The following SYNPR variants were observed in gnomAD, a reference collection of about 807,000 sequenced individuals.
SYNPR encodes synaptoporin.
Under a neutral mutation model 32.9 loss-of-function variants are expected in SYNPR, and 23 were observed. The observed-to-expected ratio is 0.70, with a 90% CI of 0.50 to 0.99. SYNPR has a LOEUF of 0.99. Ranked by LOEUF, SYNPR falls within the 50% of genes least tolerant of loss-of-function variation. The pLI, the probability that SYNPR is intolerant of heterozygous loss-of-function variation, is 0.00. For missense variants in SYNPR, 318 were observed against 349.3 expected (o/e 0.91, Z 0.71); for synonymous variants, 146 against 135.9 (o/e 1.07, Z -0.52).
intron 3 of SYNPR, among the ~76,000 whole-genome samples, chr3:63,550,996 C>A (rs1026415490): frequency 6.6e-6 from 1 of 152,160 alleles, no homozygotes; most frequent in Admixed American, 6.5e-5. Context: ...GAGCTTGGTA[C>A]GTGTTCTTTC....
intron 3 of SYNPR, among the ~76,000 whole-genome samples, chr3:63,494,513 A>ATT (rs1491231983): frequency 2.2e-5 from 1 of 46,190 alleles, no homozygotes; most frequent in African/African-American, 1.1e-4. Flanking sequence ...ATACATATAT[A>ATT]CATATATACA....
At chr3:63,515,840 A>G (rs1196169263) in intron 3 of SYNPR, among the ~76,000 whole-genome samples, 1 of 152,226 alleles carries the variant, frequency 6.6e-6, no homozygotes, top group East Asian at 1.9e-4. Context: ...TTTCACACGA[A>G]AAAGGTAGCT....
chr3:63,226,160 A>T (rs2106869470), upstream of SYNPR, among the ~76,000 whole-genome samples: 1 of 152,320 alleles, frequency 6.6e-6, no homozygotes, highest in Admixed American at 6.5e-5. Flanking sequence ...AGTCAATCTA[A>T]CCCCAGTTAG....
chr3:63,340,114 C>T (rs1300427215), intron 2 of SYNPR, among the ~76,000 whole-genome samples: 1 of 152,166 alleles, frequency 6.6e-6, no homozygotes, highest in Non-Finnish European at 1.5e-5. Flanking sequence ...GGTTTTCACT[C>T]AGCATAATTT....
At chr3:63,503,201 G>A (rs151014586) in intron 3 of SYNPR, among the ~76,000 whole-genome samples, 1 of 151,928 alleles carries the variant, frequency 6.6e-6, no homozygotes, top group Non-Finnish European at 1.5e-5. Flanking sequence ...CTGATGACAC[G>A]TGATGTGGAA....
exon 3 of SYNPR, chr3:63,267,381 C>T (rs2106906073): frequency 6.6e-6 from 1 of 152,376 alleles, no homozygotes; most frequent in South Asian, 2.1e-4. Flanking sequence ...CCTGAGGGGA[C>T]TTCCAGCTGC....
At chr3:63,232,937 A>G (rs560691809) in intron 1 of SYNPR, among the ~76,000 whole-genome samples, 1 of 152,346 alleles carries the variant, frequency 6.6e-6, no homozygotes, top group African/African-American at 2.4e-5. Flanking sequence ...TGTGATTCTT[A>G]TAAAAGAATT....
At chr3:63,597,365 G>A (rs1699977146) in intron 4 of SYNPR, among the ~76,000 whole-genome samples, 1 of 152,122 alleles carries the variant, frequency 6.6e-6, no homozygotes, top group Admixed American at 6.6e-5. Flanking sequence ...AAAATAAACA[G>A]TGCTGTATTC....
At position 63,442,716 on chromosome 3, in the gene SYNPR, G is replaced by A. The variant is rs1355646524; in HGVS notation, c.85-38116G>A. 1.3e-5 allele frequency among the ~76,000 whole-genome samples: 2 copies of A among 152,252 alleles called. 1 individual carries two copies. The highest frequency in any genetic ancestry group is 4.1e-4 in the South Asian group (2 of 4,820). ...ACTCCTGTGACGAGTGAGCAACCAA[G>A]TTGTAATCTGTCCCTTCTACAGTTG... On this transcript the variant is annotated intron_variant, in intron 2 of 5. Coordinates refer to ENST00000478300, the MANE Select transcript of SYNPR (RefSeq NM_001130003.2).
At chr3:63,443,571 G>C in intron 2 of SYNPR, 1 of 1,335,212 alleles carries the variant, frequency 7.5e-7, no homozygotes, top group Non-Finnish European at 1.0e-6. Context: ...TTCTTTCCAA[G>C]TATCAGTTTT....
chr3:63,224,675 T>C (rs2086115677), upstream of SYNPR, among the ~76,000 whole-genome samples: 1 of 152,082 alleles, frequency 6.6e-6, no homozygotes, highest in South Asian at 2.1e-4. Flanking sequence ...TGCGGTTCCT[T>C]GAAAATTATG....
chr3:63,266,140 T>A (rs764166711), intron 2 of SYNPR, among the ~76,000 whole-genome samples: 38 of 152,188 alleles, frequency 2.5e-4, no homozygotes, highest in Middle Eastern at 3.2e-3. Flanking sequence ...TACTCATTGC[T>A]GATGTGAAAG....
intron 2 of SYNPR, among the ~76,000 whole-genome samples, chr3:63,312,474 C>T (rs1024854411): frequency 3.9e-5 from 6 of 151,904 alleles, no homozygotes; most frequent in Admixed American, 3.9e-4. Flanking sequence ...ATTTCAAACA[C>T]TGCCACATCT....
intron 4 of SYNPR, among the ~76,000 whole-genome samples, chr3:63,568,189 A>T (rs563649323): frequency 6.6e-6 from 1 of 152,332 alleles, no homozygotes; most frequent in South Asian, 2.1e-4. Context: ...TAGAAGTTAT[A>T]TTGGTTAATT....
At chr3:63,331,744 T>A (rs1442612376) in intron 2 of SYNPR, among the ~76,000 whole-genome samples, 2 of 152,172 alleles carry the variant, frequency 1.3e-5, no homozygotes, top group Non-Finnish European at 2.9e-5. Context: ...ACTTTCTTTA[T>A]GAGGAAATTG....
At chr3:63,529,173 G>C (rs1461740245) in intron 3 of SYNPR, among the ~76,000 whole-genome samples, 2 of 152,124 alleles carry the variant, frequency 1.3e-5, no homozygotes, top group Admixed American at 6.5e-5. Flanking sequence ...GGGACCCCTG[G>C]GGAAACCAAA....
At chr3:63,347,821 G>A (rs1247542761) in intron 2 of SYNPR, among the ~76,000 whole-genome samples, 1 of 151,658 alleles carries the variant, frequency 6.6e-6, no homozygotes, top group Admixed American at 6.6e-5. Context: ...TTTTATGGCT[G>A]AATAGTATTC....
intron 3 of SYNPR, among the ~76,000 whole-genome samples, chr3:63,271,531 G>A (rs2086535552): frequency 6.6e-6 from 1 of 152,102 alleles, no homozygotes; most frequent in South Asian, 2.1e-4. Context: ...AATGCATGCA[G>A]TATACTTTGG....
intron 2 of SYNPR, among the ~76,000 whole-genome samples, chr3:63,380,606 C>T (rs990851391): frequency 6.6e-6 from 1 of 151,650 alleles, no homozygotes; most frequent in African/African-American, 2.4e-5. Context: ...TCAGATGAGT[C>T]GATTTTAGAC....
Sources: allele counts gnomAD v4.1 joint callset (sites outside exome capture counted in the v4.1 genomes callset), GRCh38; gene constraint gnomAD v4.1.1; transcripts MANE v1.5; gene names NCBI Gene and HGNC (gene_info 2026-07-23, HGNC 2026-07-21).